The following RB1 variants were observed in gnomAD, a reference collection of about 807,000 sequenced individuals.
RB1 encodes the protein retinoblastoma-associated protein.
A neutral mutation model predicts 135.4 loss-of-function variants in RB1; 18 were observed. The observed-to-expected ratio is 0.13, with a 90% CI of 0.09 to 0.20. RB1 has a LOEUF of 0.20. Among genes scored for constraint, RB1 ranks in the 10% least tolerant of loss-of-function variants. RB1 has a pLI of 1.00. For missense variants in RB1, 868 were observed against 1,110.0 expected, an observed-to-expected ratio of 0.78 and a Z score of 3.10; for synonymous variants, 365 against 373.2, an observed-to-expected ratio of 0.98 and a Z score of 0.25.
intron 2 of RB1, among the ~76,000 whole-genome samples, chr13:48,316,399 C>A (rs1485375989): frequency 1.3e-5 from 2 of 152,042 alleles, no homozygotes; most frequent in African/African-American, 4.8e-5. Context: ...CAGCCACCGA[C>A]GGACATTCTC....
Position 48,359,982 on chromosome 13 carries a change from CTAACTTTCTTTAAAAATG to C in RB1, c.608-32_608-15del. 6.2e-7 allele frequency: 1 copy of C among 1,607,074 alleles called. No homozygotes were observed. ...TTCTCTCATACAAAGATCTGAATCT[CTAACTTTCTTTAAAAATG>C]TACATTTTTTTTTCAGGGGAAGTAT... On this transcript the variant is annotated splice_polypyrimidine_tract_variant and intron_variant, in intron 6 of 26. Transcript: ENST00000267163.
In RB1 at chr13:48,480,197, T is replaced by A; in HGVS notation, c.*126T>A. On this transcript the variant is annotated 3_prime_UTR_variant, in exon 27 of 27. Transcript: ENST00000267163. ...TAATATCTTCAGCTCTTTTTGTGGATATAAAATGTGCAGATGCAATTGTTT... is the reference window on the plus strand; with the variant it reads ...TAATATCTTCAGCTCTTTTTGTGGAAATAAAATGTGCAGATGCAATTGTTT... 1.3e-6 allele frequency: 1 copy of A among 799,832 alleles called. No homozygotes were observed. The highest frequency in any genetic ancestry group is 1.5e-5 in the South Asian group (1 of 67,252). 49.5% of individuals were successfully genotyped at this position (799,832 alleles called of 1,614,324 possible).
At chr13:48,316,461 A>G (rs762650755) in intron 2 of RB1, among the ~76,000 whole-genome samples, 6 of 152,160 alleles carry the variant, frequency 3.9e-5, no homozygotes, top group Non-Finnish European at 8.8e-5. Flanking sequence ...GGCTGCGATG[A>G]TAAGAACCAA....
rs2138052432 is a variant in RB1 at position 48,318,901 on chromosome 13, G to A, written c.264+11495G>A. ...TTTCCTGATCGATGCTGTCGTCGCT[G>A]TCCACGGAGCTACTGTCGCCGTCAG... On this transcript the variant is annotated intron_variant, in intron 2 of 26. Transcript: ENST00000267163. The A allele has an allele frequency of 7.8e-6, 9 of 1,155,518 alleles. 1 individual carries two copies. The Middle Eastern group carries it at 8.6e-4, about 111-fold the overall frequency. The allele number at this position is 1,155,518 out of a possible 1,614,324, so 71.6% of individuals were successfully genotyped here.
intron 17 of RB1, among the ~76,000 whole-genome samples, chr13:48,420,200 G>T (rs1948984382): frequency 6.6e-6 from 1 of 152,138 alleles, no homozygotes; most frequent in Admixed American, 6.5e-5. Flanking sequence ...AAACAAGTCG[G>T]CTTCATCCCT....
At chr13:48,368,490 T>C in intron 10 of RB1, 37 bp from the exon 11 acceptor site, 1 of 1,611,204 alleles carries the variant, frequency 6.2e-7, no homozygotes. Context: ...AATTGTAAAT[T>C]TTCAGTATGT....
rs184680223 is a variant in RB1, at chr13:48,395,252, A to G, written c.1695+13809A>G. On this transcript the variant is annotated intron_variant, in intron 17 of 26. Transcript: ENST00000267163. ...GAAACCCCATTTGAAGGTCATCAAC[A>G]TCAAAGACCAAAGGTAGATAAATCC... Among the ~76,000 whole-genome samples the G allele has an allele frequency of 1.4e-4, 22 of 152,324 alleles. No individual in the cohort carries two copies. The East Asian group carries it at 3.7e-3, about 25-fold the overall frequency.
intron 17 of RB1, among the ~76,000 whole-genome samples, chr13:48,382,172 C>T (rs4151544): frequency 0.03 from 4,560 of 152,224 alleles, 214 homozygotes; most frequent in African/African-American, 0.1. Flanking sequence ...AATAAACATA[C>T]GTGTGCATGT....
intron 5 of RB1, 108 bp from the exon 6 acceptor site, chr13:48,348,848 A>ATT (rs146977585): frequency 1.7e-4 from 186 of 1,089,860 alleles, no homozygotes; most frequent in Non-Finnish European, 2.0e-4. Context: ...AACTAAGGTC[A>ATT]TTTTTTTTTT....
intron 6 of RB1, among the ~76,000 whole-genome samples, chr13:48,351,657 C>T (rs1410206800): frequency 6.6e-6 from 1 of 151,722 alleles, no homozygotes; most frequent in Non-Finnish European, 1.5e-5. Flanking sequence ...GAAGACTTTG[C>T]CTGTTCCTAT....
At chr13:48,446,469 G>A (rs901935248) in intron 17 of RB1, among the ~76,000 whole-genome samples, 14 of 152,090 alleles carry the variant, frequency 9.2e-5, no homozygotes, top group South Asian at 2.1e-4. Context: ...TGCTAGTAGC[G>A]AGATAATAAA....
intron 6 of RB1, 98 bp from the exon 7 acceptor site, chr13:48,359,919 G>C: frequency 6.7e-7 from 1 of 1,500,812 alleles, no homozygotes; most frequent in Non-Finnish European, 8.9e-7. Flanking sequence ...AGTGATTGTT[G>C]AATGAATAAA....
chr13:48,379,509 G>T, intron 13 of RB1, 85 bp from the exon 14 acceptor site: 1 of 1,446,240 alleles, frequency 6.9e-7, no homozygotes, highest in South Asian at 1.3e-5. Context: ...AAAACAGTGA[G>T]ACTCCATCTC....
At chr13:48,384,672 A>G (rs550013997) in intron 17 of RB1, among the ~76,000 whole-genome samples, 87 of 152,164 alleles carry the variant, frequency 5.7e-4, no homozygotes, top group Non-Finnish European at 1.1e-3. Flanking sequence ...GGAAATTTCA[A>G]ATGAGGTGCT....
chr13:48,335,771 A>T (rs555590924), intron 2 of RB1, among the ~76,000 whole-genome samples: 2 of 152,180 alleles, frequency 1.3e-5, no homozygotes, highest in East Asian at 3.9e-4. Context: ...AAGAAAACAC[A>T]TCAGTTACAG....
At chr13:48,391,592 T>C (rs1948610929) in intron 17 of RB1, 1 of 152,152 alleles carries the variant, frequency 6.6e-6, no homozygotes, top group Non-Finnish European at 1.5e-5. Context: ...CTGTCTCTAT[T>C]CTTATAAAAC....
At chr13:48,456,711 C>T (rs1483001316) in intron 19 of RB1, among the ~76,000 whole-genome samples, 1 of 152,202 alleles carries the variant, frequency 6.6e-6, no homozygotes, top group Non-Finnish European at 1.5e-5. Context: ...TGTGGGCAAG[C>T]ATGAGATCTG....
intron 17 of RB1, among the ~76,000 whole-genome samples, chr13:48,423,754 G>A (rs1949041736): frequency 6.6e-6 from 1 of 152,154 alleles, no homozygotes; most frequent in South Asian, 2.1e-4. Context: ...AAGTTCAAAA[G>A]AAAGTGTGAG....
At chr13:48,408,274 C>T (rs1948757544) in intron 17 of RB1, among the ~76,000 whole-genome samples, 1 of 151,616 alleles carries the variant, frequency 6.6e-6, no homozygotes, top group Non-Finnish European at 1.5e-5. Flanking sequence ...ATATATAATA[C>T]ATATATTTTT....
Sources: allele counts gnomAD v4.1 joint callset (sites outside exome capture counted in the v4.1 genomes callset), GRCh38; gene constraint gnomAD v4.1.1; transcripts MANE v1.5; gene names NCBI Gene and HGNC (gene_info 2026-07-23, HGNC 2026-07-21).